GALNT18: variants seen among roughly 807,000 people sequenced by gnomAD.
The protein encoded by GALNT18 is GalNAc-transferase 18.
Under a neutral mutation model 69.5 loss-of-function variants are expected in GALNT18, and 44 were observed. That is an observed-to-expected ratio of 0.63 (90% CI 0.50 to 0.81). The LOEUF is 0.81. GALNT18 is among the 40% of genes least tolerant of loss of function. The pLI is 0.00. For missense variants in GALNT18, 715 were observed against 810.0 expected, an observed-to-expected ratio of 0.88 and a Z score of 1.42; for synonymous variants, 364 against 318.2, an observed-to-expected ratio of 1.14 and a Z score of -1.53.
intron 1 of GALNT18, among the ~76,000 whole-genome samples, chr11:11,509,496 T>C (rs1354725078): frequency 6.6e-6 from 1 of 152,200 alleles, no homozygotes; most frequent in Non-Finnish European, 1.5e-5. Flanking sequence ...AAGAACAGAA[T>C]TGGTGTTATT....
chr11:11,520,308 C>T (rs546542515), intron 1 of GALNT18, among the ~76,000 whole-genome samples: 246 of 152,288 alleles, frequency 1.6e-3, no homozygotes, highest in African/African-American at 5.6e-3. Flanking sequence ...CCAGATCACC[C>T]AGGGAGCAAA....
intron 6 of GALNT18, among the ~76,000 whole-genome samples, chr11:11,366,202 C>T (rs1241349148): frequency 6.6e-6 from 1 of 152,098 alleles, no homozygotes; most frequent in Non-Finnish European, 1.5e-5. Flanking sequence ...TTTGAGATAC[C>T]CATGTCCTTC....
intron 6 of GALNT18, among the ~76,000 whole-genome samples, chr11:11,348,421 T>C (rs970184229): frequency 1.3e-5 from 2 of 148,856 alleles, no homozygotes; most frequent in East Asian, 2.0e-4. Context: ...AGGTCAAATC[T>C]GGACAAGGCC....
intron 6 of GALNT18, among the ~76,000 whole-genome samples, chr11:11,361,462 C>T (rs1235711294): frequency 6.6e-6 from 1 of 152,198 alleles, no homozygotes; most frequent in Non-Finnish European, 1.5e-5. Flanking sequence ...CAGTATCTCA[C>T]ATATAATACC....
chr11:11,284,908 G>GTTTT (rs58795517), intron 10 of GALNT18, among the ~76,000 whole-genome samples: 5,022 of 82,436 alleles, frequency 0.061, 406 homozygotes, highest in Middle Eastern at 0.1. Context: ...AGACTTTCGT[G>GTTTT]TTTTTTTTTT....
At chr11:11,536,625 C>A (rs1444660197) in intron 1 of GALNT18, among the ~76,000 whole-genome samples, 4 of 151,852 alleles carry the variant, frequency 2.6e-5, no homozygotes, top group Non-Finnish European at 1.5e-5. Context: ...TTTAGCAACT[C>A]CGTATCTTAG....
chr11:11,493,561 T>C (rs551953870), intron 1 of GALNT18, among the ~76,000 whole-genome samples: 9 of 152,038 alleles, frequency 5.9e-5, no homozygotes, highest in African/African-American at 2.2e-4. Context: ...ACATTGTGAG[T>C]GTGTAGTAAG....
intron 1 of GALNT18, among the ~76,000 whole-genome samples, chr11:11,451,791 G>A (rs1212596402): frequency 6.6e-6 from 1 of 152,186 alleles, no homozygotes; most frequent in East Asian, 1.9e-4. Context: ...GGTTAGACAA[G>A]ATGAAACCAA....
chr11:11,443,714 A>C (rs1194165680), intron 2 of GALNT18, among the ~76,000 whole-genome samples: 1 of 152,232 alleles, frequency 6.6e-6, no homozygotes, highest in Non-Finnish European at 1.5e-5. Context: ...GAAGCAAGTG[A>C]ACCCCTGCCC....
chr11:11,273,721 T>C (rs1385744651), intron 10 of GALNT18, among the ~76,000 whole-genome samples: 1 of 152,176 alleles, frequency 6.6e-6, no homozygotes, highest in Non-Finnish European at 1.5e-5. Flanking sequence ...GAAACCAGCA[T>C]ATTGAAGAGA....
At chr11:11,574,185 C>CATTCCCTG (rs543492710) in intron 1 of GALNT18, among the ~76,000 whole-genome samples, 12 of 152,232 alleles carry the variant, frequency 7.9e-5, no homozygotes, top group African/African-American at 2.4e-4. Flanking sequence ...GAGAGGTTAC[C>CATTCCCTG]ATTCCCTGAG....
chr11:11,330,534 G>C (rs939670824), intron 8 of GALNT18, among the ~76,000 whole-genome samples: 22 of 152,130 alleles, frequency 1.4e-4, no homozygotes, highest in Admixed American at 8.5e-4. Context: ...GAGCAGTGGT[G>C]GGCTGATGAA....
chr11:11,413,703 A>C lies in GALNT18; in HGVS notation c.595+18918T>G, dbSNP rs1310395997. ...GGGAAGTTGACTACTCCAGGGGTCC[A>C]GGCCCTGGTTCTTTGAAGCCTTGCT... On this transcript the variant is annotated intron_variant, in intron 3 of 10. Transcript: ENST00000227756. The surrounding 1 kb of genome is among the most constrained non-coding windows in gnomAD (Gnocchi z 4.7). Among the ~76,000 whole-genome samples, 1 of 152,182 alleles carries C rather than the reference A, an allele frequency of 6.6e-6. No individual in the cohort carries two copies. The highest frequency in any genetic ancestry group is 2.4e-5 in the African/African-American group (1 of 41,442).
chr11:11,579,747 C>A (rs1859028172), intron 1 of GALNT18, among the ~76,000 whole-genome samples: 1 of 152,338 alleles, frequency 6.6e-6, no homozygotes, highest in African/African-American at 2.4e-5. Context: ...TAAGGCCATG[C>A]CAACAGACAA....
chr11:11,522,017 C>G (rs4310607), intron 1 of GALNT18, among the ~76,000 whole-genome samples: 152,278 of 152,278 alleles, frequency 1, 76,139 homozygotes, highest in Non-Finnish European at 1. Flanking sequence ...AAATATCAGA[C>G]ACAGCAAGTG....
In GALNT18 at chr11:11,531,046, T is replaced by C. The variant is rs185975499; in HGVS notation, c.236-82110A>G. On this transcript the variant is annotated intron_variant, in intron 1 of 10. Coordinates refer to ENST00000227756, the MANE Select transcript of GALNT18 (RefSeq NM_198516.3). ...AGGCCTGCTCTGAGGACAAGCCCCC[T>C]GCCTGCAATAGGCCTTTGCCGGCTG... is the stretch of plus-strand genomic sequence containing the variant. 2.8e-3 allele frequency among the ~76,000 whole-genome samples: 420 copies of C among 152,346 alleles called. 3 individuals are homozygous for C. The highest frequency in any genetic ancestry group is 9.6e-3 in the African/African-American group (400 of 41,586).
rs1860150760 is a variant in GALNT18 at position 11,620,082 on chromosome 11, T to G, written c.235+1277A>C. Among the ~76,000 whole-genome samples the G allele has an allele frequency of 6.9e-6, 1 of 144,612 alleles. No individual in the cohort carries two copies. Among genetic ancestry groups the G allele is most frequent in the Non-Finnish European group, 1.5e-5 (1 of 66,994 alleles). The allele number at this position is 144,612 out of a possible 152,430, so 94.9% of individuals were successfully genotyped here. A position where few individuals can be genotyped will look rare whatever the true frequency, so the allele number is the denominator to read the frequency against. Reference sequence around the variant, plus strand: ...TCTCTACTCTGGCAAGAGCAGCAGGTGCAAGGATTGGAATTCAGACATCCA... The same window carrying G: ...TCTCTACTCTGGCAAGAGCAGCAGGGGCAAGGATTGGAATTCAGACATCCA... On this transcript the variant is annotated intron_variant, in intron 1 of 10. Coordinates refer to ENST00000227756, the MANE Select transcript of GALNT18 (RefSeq NM_198516.3). This position sits in a 1 kb window ranked among gnomAD's most constrained non-coding sequence, Gnocchi z 6.9.
chr11:11,476,484 G>A (rs1856400633), intron 1 of GALNT18: 2 of 152,150 alleles, frequency 1.3e-5, no homozygotes, highest in South Asian at 2.1e-4. Context: ...ATAAGCAAAT[G>A]AAATGTGTTT....
chr11:11,424,405 C>G (rs1027218245), intron 3 of GALNT18, among the ~76,000 whole-genome samples: 12 of 152,200 alleles, frequency 7.9e-5, no homozygotes, highest in African/African-American at 2.9e-4. Context: ...CACTTCCTGG[C>G]TATGTGGCCT....
Sources: gnomAD v4.1 joint callset for allele counts (sites outside exome capture counted in the v4.1 genomes callset) on GRCh38, gnomAD v4.1.1 for gene constraint, Gnocchi (gnomAD v3.1) non-coding constraint, MANE v1.5 for transcripts, NCBI Gene and HGNC (gene_info 2026-07-23, HGNC 2026-07-21) for gene names.